TMEM132D: variants seen among roughly 807,000 people sequenced by gnomAD.
TMEM132D encodes mature OL transmembrane protein.
In TMEM132D, 21 loss-of-function variants were observed where a neutral mutation model predicts 62.3. The observed-to-expected ratio is 0.34, with a 90% CI of 0.24 to 0.49. The LOEUF is 0.49. TMEM132D is among the 20% of genes least tolerant of loss of function. The pLI is 0.99. For missense variants in TMEM132D, 1,346 were observed against 1,402.8 expected, an observed-to-expected ratio of 0.96 and a Z score of 0.65; for synonymous variants, 621 against 575.6, an observed-to-expected ratio of 1.08 and a Z score of -1.13.
At chr12:129,667,962 T>A (rs984957213) in intron 2 of TMEM132D, among the ~76,000 whole-genome samples, 1 of 61,016 alleles carries the variant, frequency 1.6e-5, no homozygotes. Flanking sequence ...CTGGTTACCC[T>A]AAAATGTTGT....
At chr12:129,431,636 T>C (rs1390451526) in intron 3 of TMEM132D, among the ~76,000 whole-genome samples, 1 of 152,210 alleles carries the variant, frequency 6.6e-6, no homozygotes, top group Non-Finnish European at 1.5e-5. Flanking sequence ...ATGCTGCTTC[T>C]ACCTTTGAGC....
chr12:129,593,275 G>C (rs1357570297), intron 2 of TMEM132D, among the ~76,000 whole-genome samples: 1 of 152,064 alleles, frequency 6.6e-6, no homozygotes, highest in African/African-American at 2.4e-5. Flanking sequence ...CACCATCATG[G>C]TGAAGTAACT....
chr12:129,616,734 C>T (rs1400070724), intron 2 of TMEM132D, among the ~76,000 whole-genome samples: 1 of 152,178 alleles, frequency 6.6e-6, no homozygotes, highest in Admixed American at 6.5e-5. Context: ...TGAGGCCTCC[C>T]CAGCCCTGCT....
chr12:129,854,556 C>G (rs1873654809), intron 1 of TMEM132D: 1 of 152,184 alleles, frequency 6.6e-6, no homozygotes, highest in African/African-American at 2.4e-5. Context: ...GAGAAAAAAA[C>G]TGACCTTGTG....
In TMEM132D at chr12:129,841,337, A is replaced by G. The variant is rs551163689; in HGVS notation, c.79+61924T>C. 1.3e-3 allele frequency among the ~76,000 whole-genome samples: 195 copies of G among 152,282 alleles called. 1 individual carries two copies. The highest frequency in any genetic ancestry group is 4.1e-3 in the African/African-American group (171 of 41,560). On this transcript the variant is annotated intron_variant, in intron 1 of 8. Transcript: ENST00000422113. The stretch of plus-strand genomic sequence containing the variant: ...AAAAAGAAAAAAAAAAGAAATTGCC[A>G]TAGGTGGTTGCTTCCAAGCCCTCGT...
chr12:129,457,266 A>T (rs981401750), intron 3 of TMEM132D, among the ~76,000 whole-genome samples: 2 of 152,056 alleles, frequency 1.3e-5, no homozygotes, highest in African/African-American at 2.4e-5. Context: ...AGACATAAAA[A>T]ATGATGAGTT....
At chr12:129,678,412 CA>C (rs1273978388) in intron 2 of TMEM132D, among the ~76,000 whole-genome samples, 2 of 152,136 alleles carry the variant, frequency 1.3e-5, no homozygotes, top group Non-Finnish European at 2.9e-5. Flanking sequence ...GGATGCAGTA[CA>C]TTTTTATATA....
chr12:129,572,973 G>A (rs1336790186), intron 2 of TMEM132D, among the ~76,000 whole-genome samples: 1 of 152,174 alleles, frequency 6.6e-6, no homozygotes, highest in Admixed American at 6.5e-5. Context: ...GTGAATGGAT[G>A]CAATGTAGGT....
chr12:129,788,554 C>T (rs55707356), intron 1 of TMEM132D, among the ~76,000 whole-genome samples: 8,888 of 152,176 alleles, frequency 0.058, 303 homozygotes, highest in East Asian at 0.1. Context: ...GAAAAATCAA[C>T]GTGGATGTCT....
intron 1 of TMEM132D, among the ~76,000 whole-genome samples, chr12:129,891,970 A>T (rs1874937923): frequency 6.6e-6 from 1 of 152,252 alleles, no homozygotes; most frequent in African/African-American, 2.4e-5. Flanking sequence ...TTTACTTCTC[A>T]TTTCAAAAAT....
chr12:129,460,220 G>T (rs1245557942), intron 3 of TMEM132D, among the ~76,000 whole-genome samples: 1 of 152,144 alleles, frequency 6.6e-6, no homozygotes, highest in African/African-American at 2.4e-5. Context: ...CCTTCTCTGT[G>T]TTCCCTGTGC....
chr12:129,079,885 A>G (rs546708659), intron 7 of TMEM132D, among the ~76,000 whole-genome samples: 1 of 152,240 alleles, frequency 6.6e-6, no homozygotes, highest in Admixed American at 6.5e-5. Flanking sequence ...CACCAAAATA[A>G]TGTTCATGTT....
At chr12:129,496,784 C>T (rs1271935111) in intron 3 of TMEM132D, among the ~76,000 whole-genome samples, 3 of 152,174 alleles carry the variant, frequency 2.0e-5, no homozygotes, top group Non-Finnish European at 2.9e-5. Flanking sequence ...GTGCAGAAGA[C>T]GATTGACAAT....
At chr12:129,232,675 T>A (rs1345827270) in intron 4 of TMEM132D, among the ~76,000 whole-genome samples, 1 of 152,192 alleles carries the variant, frequency 6.6e-6, no homozygotes, top group African/African-American at 2.4e-5. Flanking sequence ...CCCACTGCTA[T>A]AAAGATACTA....
At chr12:129,795,996 T>C (rs1871551265) in intron 1 of TMEM132D, among the ~76,000 whole-genome samples, 1 of 152,158 alleles carries the variant, frequency 6.6e-6, no homozygotes, top group African/African-American at 2.4e-5. Flanking sequence ...ATGTTCCATT[T>C]CTATTACTTT....
At chr12:129,483,582 A>G (rs988472595) in intron 3 of TMEM132D, among the ~76,000 whole-genome samples, 1 of 152,368 alleles carries the variant, frequency 6.6e-6, no homozygotes, top group African/African-American at 2.4e-5. Context: ...TTGGTAAAAG[A>G]AAAAGCCAGT....
At chr12:129,622,920 G>C (rs1321416564) in intron 2 of TMEM132D, among the ~76,000 whole-genome samples, 2 of 152,186 alleles carry the variant, frequency 1.3e-5, no homozygotes, top group Non-Finnish European at 2.9e-5. Flanking sequence ...GGTAAACCTG[G>C]TTTTGGCTAA....
chr12:129,075,471 T>C (rs1367121782), intron 8 of TMEM132D, among the ~76,000 whole-genome samples: 2 of 152,092 alleles, frequency 1.3e-5, no homozygotes, highest in Non-Finnish European at 2.9e-5. Context: ...AAATGAAAAA[T>C]ATTTATTACA....
chr12:129,768,387 C>T (rs1328688141), intron 1 of TMEM132D, among the ~76,000 whole-genome samples: 1 of 151,732 alleles, frequency 6.6e-6, no homozygotes, highest in African/African-American at 2.4e-5. Flanking sequence ...TGACAGTGGC[C>T]ATCGTAATGG....
Sources: allele counts gnomAD v4.1 joint callset (sites outside exome capture counted in the v4.1 genomes callset), GRCh38; gene constraint gnomAD v4.1.1; transcripts MANE v1.5; gene names NCBI Gene and HGNC (gene_info 2026-07-23, HGNC 2026-07-21).